The following UGT2A2 variants were observed in gnomAD, a reference collection of about 807,000 sequenced individuals.
UGT2A2 encodes UDP-glucuronosyltransferase 2A2.
In UGT2A2, 60 loss-of-function variants were observed where a neutral mutation model predicts 50.7. That is an observed-to-expected ratio of 1.18 (90% CI 0.96 to 1.47). The LOEUF (loss-of-function observed/expected upper bound fraction) is 1.47. UGT2A2 is among the 40% of genes most tolerant of loss of function. UGT2A2 has a pLI of 0.00. For missense variants in UGT2A2, 762 were observed against 634.0 expected (o/e 1.20, Z -2.17); for synonymous variants, 242 against 214.6 (o/e 1.13, Z -1.11).
At chr4:69,607,400 C>T (rs1041003897) in intron 1 of UGT2A2, among the ~76,000 whole-genome samples, 1 of 151,848 alleles carries the variant, frequency 6.6e-6, no homozygotes. Context: ...CTTCCTTACA[C>T]CTTATACAAA....
chr4:69,628,390 T>C (rs776164839), intron 1 of UGT2A2, among the ~76,000 whole-genome samples: 1 of 151,812 alleles, frequency 6.6e-6, no homozygotes, highest in African/African-American at 2.4e-5. Flanking sequence ...CCAAACAGTA[T>C]TAAAGCACAC....
rs952602609 is a variant in UGT2A2 at position 69,604,792 on chromosome 4, C to A, written c.743-5398G>T. ...AATCCTAGTCTCTGATAAAACAGACCTTAAAGCACCAAAGATCAAAAGAGA... is the reference window on the plus strand; with the variant it reads ...AATCCTAGTCTCTGATAAAACAGACATTAAAGCACCAAAGATCAAAAGAGA... On this transcript the variant is annotated intron_variant, in intron 1 of 5. Transcript: ENST00000604629. Among the ~76,000 whole-genome samples the A allele has an allele frequency of 5.2e-5, 7 of 135,920 alleles. 2 individuals are homozygous for A. The highest frequency in any genetic ancestry group is 4.7e-5 in the Non-Finnish European group (3 of 63,980). 89.2% of individuals were successfully genotyped at this position (135,920 alleles called of 152,430 possible). A position where few individuals can be genotyped will look rare whatever the true frequency, so the allele number is the denominator to read the frequency against.
chr4:69,631,294 CA>C (rs1721370553), intron 1 of UGT2A2, among the ~76,000 whole-genome samples: 1 of 133,816 alleles, frequency 7.5e-6, no homozygotes, highest in Non-Finnish European at 1.6e-5. Context: ...TGATGTTTGT[CA>C]AAGAGAGAGT....
intron 1 of UGT2A2, among the ~76,000 whole-genome samples, chr4:69,606,600 G>A (rs1425455029): frequency 7.3e-6 from 1 of 136,290 alleles, no homozygotes; most frequent in East Asian, 2.1e-4. Context: ...AGGAAATAAA[G>A]GGTATTCAAT....
At chr4:69,637,396 G>T (rs1405172414) in intron 1 of UGT2A2, among the ~76,000 whole-genome samples, 2 of 152,048 alleles carry the variant, frequency 1.3e-5, no homozygotes, top group East Asian at 1.9e-4. Context: ...GAAGAAAAAA[G>T]ATATATTCAA....
intron 1 of UGT2A2, among the ~76,000 whole-genome samples, chr4:69,620,394 A>G (rs1308903130): frequency 6.6e-6 from 1 of 152,028 alleles, no homozygotes; most frequent in Non-Finnish European, 1.5e-5. Flanking sequence ...CTAAAAAAGA[A>G]TAAAATGCCT....
Position 69,594,697 on chromosome 4 carries a change from C to G in UGT2A2, c.1112-1G>C. The G allele has an allele frequency of 6.2e-6, 10 of 1,612,196 alleles. No homozygotes were observed. Among genetic ancestry groups the G allele is most frequent in the Non-Finnish European group, 8.5e-6 (10 of 1,179,026 alleles). Reference sequence around the variant, plus strand: ...ATAAAAGCTTTGGTTTTGGGATGTCCTAATTTGAGGATGGAGTGAGAAGTG... The same window carrying G: ...ATAAAAGCTTTGGTTTTGGGATGTCGTAATTTGAGGATGGAGTGAGAAGTG... On this transcript the variant is annotated splice_acceptor_variant, in intron 4 of 5. Coordinates refer to ENST00000604629, the MANE Select transcript of UGT2A2 (RefSeq NM_001105677.2). LOFTEE classifies it high-confidence loss of function.
At chr4:69,618,205 G>GTGTATGTT (rs1352492118) in intron 1 of UGT2A2, among the ~76,000 whole-genome samples, 3,599 of 87,700 alleles carry the variant, frequency 0.041, 72 homozygotes, top group African/African-American at 0.07. Context: ...GTGTGTGTGT[G>GTGTATGTT]TGTGTGTGTG....
intron 1 of UGT2A2, among the ~76,000 whole-genome samples, chr4:69,609,825 A>G (rs1309013446): frequency 6.6e-6 from 1 of 152,204 alleles, no homozygotes; most frequent in Non-Finnish European, 1.5e-5. Context: ...TCAATTGTCA[A>G]TTGACAGAAT....
At chr4:69,601,391 C>T (rs1036160) in intron 1 of UGT2A2, among the ~76,000 whole-genome samples, 29,591 of 151,996 alleles carry the variant, frequency 0.19, 3,529 homozygotes, top group East Asian at 0.56. Flanking sequence ...CCCCGCCCCC[C>T]GGAGTACTAC....
intron 1 of UGT2A2, among the ~76,000 whole-genome samples, chr4:69,609,956 G>T (rs112335059): frequency 1.3e-5 from 2 of 152,194 alleles, no homozygotes; most frequent in African/African-American, 4.8e-5. Flanking sequence ...ATATGTGTTT[G>T]TATACATTTC....
chr4:69,621,716 G>A (rs1360087790), intron 1 of UGT2A2, among the ~76,000 whole-genome samples: 2 of 151,872 alleles, frequency 1.3e-5, no homozygotes, highest in South Asian at 4.2e-4. Context: ...GTTCATTTCA[G>A]CATGATTCAC....
At chr4:69,593,500 G>GA (rs1018537716) in intron 5 of UGT2A2, among the ~76,000 whole-genome samples, 1 of 150,650 alleles carries the variant, frequency 6.6e-6, no homozygotes, top group Non-Finnish European at 1.5e-5. Context: ...ATCTTTCAGA[G>GA]AAAAAAATAA....
Position 69,630,535 on chromosome 4 carries a change from A to G in UGT2A2, c.742+8364T>C, listed in dbSNP as rs541595139. Among the ~76,000 whole-genome samples the G allele has an allele frequency of 1.6e-4, 25 of 152,228 alleles. 1 individual carries two copies. Among genetic ancestry groups the G allele is most frequent in the Admixed American group, 5.9e-4 (9 of 15,284 alleles). On this transcript the variant is annotated intron_variant, in intron 1 of 5. Transcript: ENST00000604629. ...ATATTTACACATTGTACTCTAAGCT[A>G]CTACAAATCACTGTGAATATCAATA...
At chr4:69,595,830 T>C (rs1718888894) in intron 3 of UGT2A2, among the ~76,000 whole-genome samples, 1 of 152,202 alleles carries the variant, frequency 6.6e-6, no homozygotes, top group Admixed American at 6.5e-5. Context: ...AGAGTTGTAA[T>C]AAAACCTAGA....
intron 1 of UGT2A2, among the ~76,000 whole-genome samples, chr4:69,610,408 G>A (rs910495133): frequency 2.0e-5 from 3 of 151,926 alleles, no homozygotes; most frequent in African/African-American, 7.3e-5. Context: ...GTAACTGTTA[G>A]GGCATTTTAG....
chr4:69,638,171 T>TG (rs1480607969), intron 1 of UGT2A2, among the ~76,000 whole-genome samples: 1 of 152,154 alleles, frequency 6.6e-6, no homozygotes, highest in Non-Finnish European at 1.5e-5. Context: ...TTCCTGCTAT[T>TG]GATTAGTGTC....
At chr4:69,596,157 G>A (rs946596291) in intron 3 of UGT2A2, 93 bp downstream of exon 3, 8 of 1,362,968 alleles carry the variant, frequency 5.9e-6, no homozygotes, top group Non-Finnish European at 7.6e-6. Context: ...AGTGTATAAT[G>A]AGTTTTGATT....
In UGT2A2 at chr4:69,618,201, G is replaced by GTGTGTGTATGTT. The variant is rs879782553; in HGVS notation, c.743-18808_743-18807insAACATACACACA. Reference sequence around the variant, plus strand: ...GGCCAGTAAGCATGTGTGTGTGTGTGTGTGTGTGTGTGTGTATGTTTGTGT... The same window carrying GTGTGTGTATGTT: ...GGCCAGTAAGCATGTGTGTGTGTGTGTGTGTGTATGTTTGTGTGTGTGTGTGTATGTTTGTGT... On this transcript the variant is annotated intron_variant, in intron 1 of 5. Coordinates refer to ENST00000604629, the MANE Select transcript of UGT2A2 (RefSeq NM_001105677.2). Among the ~76,000 whole-genome samples, 688 of 88,562 alleles carry GTGTGTGTATGTT rather than the reference G, an allele frequency of 7.8e-3. 8 individuals are homozygous for GTGTGTGTATGTT. The East Asian group carries it at 0.089, about 12-fold the overall frequency. 58.1% of individuals were successfully genotyped at this position (88,562 alleles called of 152,430 possible). A position where few individuals can be genotyped will look rare whatever the true frequency, so the allele number is the denominator to read the frequency against.
Sources: gnomAD v4.1 joint callset for allele counts (sites outside exome capture counted in the v4.1 genomes callset) on GRCh38, gnomAD v4.1.1 for gene constraint, MANE v1.5 for transcripts, NCBI Gene and HGNC (gene_info 2026-07-23, HGNC 2026-07-21) for gene names.